The following PHLDB2 variants were observed in gnomAD, a reference collection of about 807,000 sequenced individuals.
PHLDB2 encodes the protein pleckstrin homology like domain family B member 2.
A neutral mutation model predicts 123.6 loss-of-function variants in PHLDB2; 71 were observed. The ratio of observed to expected loss-of-function variants is 0.57; its 90% CI spans 0.47 to 0.70. The LOEUF is 0.70. Ranked by LOEUF, PHLDB2 falls within the 30% of genes least tolerant of loss-of-function variation. The pLI, the probability that PHLDB2 is intolerant of heterozygous loss-of-function variation, is 0.00. For missense variants in PHLDB2, 1,446 were observed against 1,519.5 expected (o/e 0.95, Z 0.80); for synonymous variants, 547 against 541.6 (o/e 1.01, Z -0.14).
At chr3:111,949,556 A>G (rs2070572683) in intron 10 of PHLDB2, 1 of 312,854 alleles carries the variant, frequency 3.2e-6, no homozygotes, top group East Asian at 1.7e-4. Flanking sequence ...GGATTTTAAT[A>G]AGAGGCTAAA....
intron 1 of PHLDB2, among the ~76,000 whole-genome samples, chr3:111,871,003 A>T (rs964413046): frequency 6.6e-6 from 1 of 151,582 alleles, no homozygotes; most frequent in Non-Finnish European, 1.5e-5. Context: ...TTTGACCCAA[A>T]CCCTAATTTT....
chr3:111,845,354 C>CAAAAAAAAAAAAAA (rs745585464), intron 1 of PHLDB2, among the ~76,000 whole-genome samples: 1 of 39,160 alleles, frequency 2.6e-5, no homozygotes, highest in Non-Finnish European at 4.0e-5. Flanking sequence ...GACTCTGTCT[C>CAAAAAAAAAAAAAA]AAAAAAAAAA....
intron 1 of PHLDB2, among the ~76,000 whole-genome samples, chr3:111,824,732 T>TA (rs1289892729): frequency 6.6e-6 from 1 of 152,232 alleles, no homozygotes; most frequent in Non-Finnish European, 1.5e-5. Context: ...GATGTATAGT[T>TA]ACACGAGTCG....
At chr3:111,900,363 G>A (rs116200707) in intron 2 of PHLDB2, among the ~76,000 whole-genome samples, 215 of 152,240 alleles carry the variant, frequency 1.4e-3, no homozygotes, top group Middle Eastern at 0.01. Flanking sequence ...AAGCTTAATC[G>A]TTTCTAGCTT....
In PHLDB2 at chr3:111,884,115, TACAAAATG is replaced by T. The variant is rs1225366111; in HGVS notation, c.39_46del (p.Gln14Ter). 1.2e-6 allele frequency: 2 copies of T among 1,614,036 alleles called. No homozygotes were observed. Among genetic ancestry groups the T allele is most frequent in the Non-Finnish European group, 1.7e-6 (2 of 1,179,928 alleles). On this transcript the variant is annotated frameshift_variant, in exon 2 of 18. Coordinates refer to ENST00000431670, the MANE Select transcript of PHLDB2 (RefSeq NM_001134438.2). LOFTEE classifies it high-confidence loss of function. ...AGCTACATACAAAAGGAGCTAGATT[TACAAAATG>T]GTAGCTTAGAGGAAGACTCTGTGGT...
At chr3:111,824,531 A>G (rs2062559428) in intron 1 of PHLDB2, among the ~76,000 whole-genome samples, 1 of 152,186 alleles carries the variant, frequency 6.6e-6, no homozygotes, top group Non-Finnish European at 1.5e-5. Context: ...TCTCCAGAGG[A>G]AACGTTTCCT....
chr3:111,744,064 G>C (rs1247656744), intron 1 of PHLDB2, among the ~76,000 whole-genome samples: 2 of 152,116 alleles, frequency 1.3e-5, no homozygotes, highest in African/African-American at 4.8e-5. Context: ...CAGACGAAAG[G>C]TTACTGTTCC....
chr3:111,772,504 G>GT (rs1410577833), intron 1 of PHLDB2, among the ~76,000 whole-genome samples: 2 of 152,108 alleles, frequency 1.3e-5, no homozygotes, highest in African/African-American at 4.8e-5. Flanking sequence ...CCCAAAGCTG[G>GT]AGGGCTTTTT....
At chr3:111,966,261 A>T (rs1024138863) in intron 13 of PHLDB2, among the ~76,000 whole-genome samples, 6 of 152,130 alleles carry the variant, frequency 3.9e-5, no homozygotes, top group Non-Finnish European at 7.3e-5. Context: ...CATTATTTTT[A>T]GACTTTGGAG....
At chr3:111,967,188 C>A (rs2071834195) in intron 14 of PHLDB2, among the ~76,000 whole-genome samples, 1 of 152,174 alleles carries the variant, frequency 6.6e-6, no homozygotes, top group African/African-American at 2.4e-5. Flanking sequence ...TTGCATCCTG[C>A]CCTGAAGGGC....
rs1172334993 is a variant in PHLDB2, at chr3:111,947,298, G to C, written c.2488-1634G>C. On this transcript the variant is annotated intron_variant, in intron 9 of 17. Coordinates refer to ENST00000431670, the MANE Select transcript of PHLDB2 (RefSeq NM_001134438.2). ...CATTCTGATGTCAAAAGCACATTTA[G>C]TTTGTTTTACTATTGTTGTGTATCT... Among the ~76,000 whole-genome samples, 4 of 151,808 alleles carry C rather than the reference G, an allele frequency of 2.6e-5. 1 individual carries two copies. In the South Asian group the frequency reaches 6.2e-4, roughly 24 times the overall value.
chr3:111,826,001 A>G (rs2062636514), intron 1 of PHLDB2, among the ~76,000 whole-genome samples: 1 of 151,984 alleles, frequency 6.6e-6, no homozygotes, highest in South Asian at 2.1e-4. Flanking sequence ...TACATTTATT[A>G]TTATTAATAT....
Position 111,911,682 on chromosome 3 carries a change from G to A in PHLDB2, c.1336-1637G>A, listed in dbSNP as rs572344542. ...TGCCGTGGGAAGAGGCCATGAGGAC[G>A]GAGCTGCAGCTGGAGTCCAGAAGTT... On this transcript the variant is annotated intron_variant, in intron 2 of 17. Coordinates refer to ENST00000431670, the MANE Select transcript of PHLDB2 (RefSeq NM_001134438.2). 1.0e-4 allele frequency: 158 copies of A among 1,536,302 alleles called. No homozygotes were observed. In the African/African-American group the frequency reaches 1.8e-3, roughly 18 times the overall value.
intron 1 of PHLDB2, among the ~76,000 whole-genome samples, chr3:111,864,020 G>A (rs1206735840): frequency 6.6e-6 from 1 of 152,154 alleles, no homozygotes. Context: ...ATATAGGAAA[G>A]TTTTTAGTAT....
rs2060367828 is a variant in PHLDB2, at chr3:111,780,294, AGAGGAAGAGGAAGAGGAAGAG to A, written c.-49+47594_-49+47614del. On this transcript the variant is annotated intron_variant, in intron 1 of 17. Coordinates refer to the PHLDB2 transcript ENST00000393923. Reference sequence around the variant, plus strand: ...GAAAAGAAGAAGAAGAAGAAGAAGAAGAGGAAGAGGAAGAGGAAGAGGAAGAGGAAGAAGAAGAAGAAGAAG... The same window carrying A: ...GAAAAGAAGAAGAAGAAGAAGAAGAAGAAGAGGAAGAAGAAGAAGAAGAAG... 2.3e-3 allele frequency among the ~76,000 whole-genome samples: 11 copies of A among 4,690 alleles called. 2 individuals carry two copies. Among genetic ancestry groups the A allele is most frequent in the African/African-American group, 3.4e-3 (8 of 2,338 alleles). The allele number at this position is 4,690 out of a possible 152,430, so 3.1% of individuals were successfully genotyped here. A position where few individuals can be genotyped will look rare whatever the true frequency, so the allele number is the denominator to read the frequency against.
chr3:111,830,575 C>G (rs1048161652), intron 1 of PHLDB2, among the ~76,000 whole-genome samples: 3 of 148,288 alleles, frequency 2.0e-5, no homozygotes, highest in Non-Finnish European at 3.0e-5. Context: ...TTTGGGAGGC[C>G]GAGGCGGGCG....
chr3:111,885,289 C>G lies in PHLDB2; in HGVS notation c.1212C>G (p.Thr404=), dbSNP rs201280788. The G allele has an allele frequency of 6.2e-7, 1 of 1,614,058 alleles. No individual in the cohort carries two copies. The highest frequency in any genetic ancestry group is 8.5e-7 in the Non-Finnish European group (1 of 1,180,036). ...DLESLRQASG[T]PQPALRERKS... ...AAAGCCTCAGACAGGCCTCAGGAAC[C>G]CCCCAGCCTGCCCTTCGGGAACGGA... is the stretch of plus-strand genomic sequence containing the variant. Residue 404 remains threonine (T), a synonymous_variant, in exon 2 of 18, where the codon ACC becomes ACG. Transcript: ENST00000431670.
At chr3:111,734,726 C>A (rs1941627248) in intron 1 of PHLDB2, among the ~76,000 whole-genome samples, 1 of 152,124 alleles carries the variant, frequency 6.6e-6, no homozygotes, top group African/African-American at 2.4e-5. Context: ...TTAGTCTGAG[C>A]CAGGATTCTA....
intron 2 of PHLDB2, among the ~76,000 whole-genome samples, chr3:111,909,432 T>C (rs932161099): frequency 1.3e-5 from 2 of 152,076 alleles, no homozygotes; most frequent in Non-Finnish European, 2.9e-5. Context: ...GCCATCTTTC[T>C]TCCAAAAAAT....
Sources: gnomAD v4.1 joint callset for allele counts (sites outside exome capture counted in the v4.1 genomes callset) on GRCh38, gnomAD v4.1.1 for gene constraint, MANE v1.5 for transcripts, NCBI Gene and HGNC (gene_info 2026-07-23, HGNC 2026-07-21) for gene names.